CNTN4: variants seen among roughly 807,000 people sequenced by gnomAD.
CNTN4 encodes the protein contactin 4.
A neutral mutation model predicts 122.5 loss-of-function variants in CNTN4; 77 were observed. That is an observed-to-expected ratio of 0.63 (90% CI 0.52 to 0.76). The LOEUF is 0.76. Among genes scored for constraint, CNTN4 ranks in the 30% least tolerant of loss-of-function variants. The probability of loss-of-function intolerance (pLI) is 0.00; values close to 1 mark genes in which losing one functional copy is unlikely to be tolerated. For missense variants in CNTN4, 1,256 were observed against 1,259.1 expected (o/e 1.00, Z 0.04); for synonymous variants, 512 against 447.0 (o/e 1.15, Z -1.83).
At chr3:2,923,954 A>G (rs867417589) in intron 12 of CNTN4, among the ~76,000 whole-genome samples, 64 of 152,284 alleles carry the variant, frequency 4.2e-4, no homozygotes, top group African/African-American at 1.5e-3. Flanking sequence ...AAGCAAAAAC[A>G]TCTGTACATC....
chr3:2,415,216 T>A (rs981088402), intron 3 of CNTN4, among the ~76,000 whole-genome samples: 1 of 152,190 alleles, frequency 6.6e-6, no homozygotes, highest in South Asian at 2.1e-4. Context: ...GTCTATTATG[T>A]GGCTCCTCGC....
At chr3:2,538,354 C>G (rs1002506147) in intron 3 of CNTN4, among the ~76,000 whole-genome samples, 1 of 152,080 alleles carries the variant, frequency 6.6e-6, no homozygotes, top group East Asian at 1.9e-4. Flanking sequence ...GCAGCCCTAA[C>G]AAAGTCATGG....
At chr3:2,847,489 C>T (rs765253588) in intron 7 of CNTN4, among the ~76,000 whole-genome samples, 1 of 152,328 alleles carries the variant, frequency 6.6e-6, no homozygotes, top group Non-Finnish European at 1.5e-5. Context: ...TTGTCCTTTA[C>T]AACTGAAGAT....
At chr3:2,273,446 T>A (rs1280730467) in intron 2 of CNTN4, among the ~76,000 whole-genome samples, 3 of 152,220 alleles carry the variant, frequency 2.0e-5, no homozygotes, top group Admixed American at 2.0e-4. Flanking sequence ...GTTGTTTTTC[T>A]TGTACTATTG....
At chr3:2,304,947 A>G (rs938473895) in intron 2 of CNTN4, among the ~76,000 whole-genome samples, 1 of 151,866 alleles carries the variant, frequency 6.6e-6, no homozygotes, top group Non-Finnish European at 1.5e-5. Flanking sequence ...TTATTTATTC[A>G]TAAGCCACTA....
chr3:2,920,016 T>G (rs941672930), intron 12 of CNTN4, among the ~76,000 whole-genome samples: 2 of 152,110 alleles, frequency 1.3e-5, no homozygotes, highest in Non-Finnish European at 2.9e-5. Flanking sequence ...ATCCTACTTG[T>G]TGGCAGAGAA....
intron 2 of CNTN4, among the ~76,000 whole-genome samples, chr3:2,125,721 C>A (rs2034105360): frequency 6.6e-6 from 1 of 151,782 alleles, no homozygotes; most frequent in Admixed American, 6.6e-5. Context: ...CCATGCCCGG[C>A]AAATTTTCTG....
intron 4 of CNTN4, among the ~76,000 whole-genome samples, chr3:2,698,839 GA>G (rs2086193518): frequency 1.3e-5 from 2 of 152,294 alleles, no homozygotes; most frequent in South Asian, 4.1e-4. Flanking sequence ...CCAACTTCGT[GA>G]AACTCTGTCT....
chr3:2,626,144 T>C (rs550693991), intron 4 of CNTN4, among the ~76,000 whole-genome samples: 1 of 152,196 alleles, frequency 6.6e-6, no homozygotes, highest in Admixed American at 6.5e-5. Flanking sequence ...TTCACTCTTA[T>C]TTGGAGTCCT....
intron 12 of CNTN4, among the ~76,000 whole-genome samples, chr3:2,923,838 G>A (rs533193804): frequency 2.6e-5 from 4 of 151,996 alleles, no homozygotes; most frequent in African/African-American, 4.8e-5. Flanking sequence ...TAGTGTTCTC[G>A]TTACATAAAT....
chr3:2,528,987 A>T (rs2077498840), intron 3 of CNTN4, among the ~76,000 whole-genome samples: 1 of 152,090 alleles, frequency 6.6e-6, no homozygotes, highest in Non-Finnish European at 1.5e-5. Context: ...GCTTTCTGAA[A>T]ATATATAATA....
intron 13 of CNTN4, among the ~76,000 whole-genome samples, chr3:2,984,475 TC>T (rs1001420361): frequency 1.3e-5 from 2 of 151,960 alleles, no homozygotes; most frequent in African/African-American, 2.4e-5. Flanking sequence ...GTGCCCATTA[TC>T]CCCCCCAGGA....
intron 2 of CNTN4, among the ~76,000 whole-genome samples, chr3:2,183,570 A>G (rs1423922794): frequency 6.6e-6 from 1 of 152,104 alleles, no homozygotes; most frequent in Non-Finnish European, 1.5e-5. Flanking sequence ...TTCATTGTTT[A>G]TAGAGACCTG....
chr3:2,571,657 C>T, intron 4 of CNTN4, 99 bp downstream of exon 4: 5 of 860,400 alleles, frequency 5.8e-6, no homozygotes, highest in South Asian at 5.4e-5. Flanking sequence ...GATAAAATCG[C>T]AAGAGTATAT....
chr3:2,305,466 T>C (rs2042669268), intron 2 of CNTN4, among the ~76,000 whole-genome samples: 1 of 152,340 alleles, frequency 6.6e-6, no homozygotes, highest in South Asian at 2.1e-4. Flanking sequence ...TTGCTGAATT[T>C]CTAAGTAATG....
At chr3:2,967,291 C>T (rs1035608883) in intron 13 of CNTN4, among the ~76,000 whole-genome samples, 15 of 152,050 alleles carry the variant, frequency 9.9e-5, no homozygotes, top group African/African-American at 3.6e-4. Context: ...CCAGCTGATC[C>T]ACTGAGTACA....
At chr3:2,440,522 AT>A (rs1392841195) in intron 3 of CNTN4, among the ~76,000 whole-genome samples, 3 of 152,122 alleles carry the variant, frequency 2.0e-5, no homozygotes, top group Admixed American at 1.3e-4. Context: ...CACTTTTAAT[AT>A]GTGCGTGTTG....
intron 6 of CNTN4, among the ~76,000 whole-genome samples, chr3:2,781,330 G>A (rs1225666335): frequency 6.6e-6 from 1 of 152,132 alleles, no homozygotes; most frequent in Non-Finnish European, 1.5e-5. Flanking sequence ...AATGTAAAAT[G>A]CTTTGCAAAG....
intron 2 of CNTN4, among the ~76,000 whole-genome samples, chr3:2,209,042 T>G (rs1214098925): frequency 2.6e-5 from 4 of 152,178 alleles, no homozygotes; most frequent in Non-Finnish European, 5.9e-5. Context: ...TTCACAATAA[T>G]TCTGAAGTGT....
Sources: gnomAD v4.1 joint callset for allele counts (sites outside exome capture counted in the v4.1 genomes callset) on GRCh38, gnomAD v4.1.1 for gene constraint, MANE v1.5 for transcripts, NCBI Gene and HGNC (gene_info 2026-07-23, HGNC 2026-07-21) for gene names.